MECOM: variants seen among roughly 807,000 people sequenced by gnomAD.
MECOM encodes histone-lysine N-methyltransferase MECOM.
In MECOM, 13 loss-of-function variants were observed where a neutral mutation model predicts 116.3. That is an observed-to-expected ratio of 0.11 (90% CI 0.07 to 0.18). The LOEUF is 0.18. Ranked by LOEUF, MECOM falls within the 10% of genes least tolerant of loss-of-function variation. The pLI, the probability that MECOM is intolerant of heterozygous loss-of-function variation, is 1.00. For synonymous variants in MECOM, 528 were observed against 535.2 expected, an observed-to-expected ratio of 0.99 and a Z score of 0.19; for missense variants, 1,299 against 1,509.0, an observed-to-expected ratio of 0.86 and a Z score of 2.31.
At chr3:169,320,165 T>C (rs1167234378) in intron 2 of MECOM, among the ~76,000 whole-genome samples, 1 of 152,188 alleles carries the variant, frequency 6.6e-6, no homozygotes, top group Non-Finnish European at 1.5e-5. Context: ...TTTTAGAATG[T>C]ATGTGCCTGT....
At chr3:169,451,108 A>G (rs759519266) in intron 1 of MECOM, among the ~76,000 whole-genome samples, 1 of 152,192 alleles carries the variant, frequency 6.6e-6, no homozygotes. Flanking sequence ...CACATAATTC[A>G]ACAACAGCCC....
At chr3:169,152,373 T>A (rs1029210849) in intron 2 of MECOM, among the ~76,000 whole-genome samples, 5 of 152,172 alleles carry the variant, frequency 3.3e-5, no homozygotes, top group Non-Finnish European at 7.4e-5. Context: ...AATCTCCACC[T>A]CAGTAATTTG....
chr3:169,600,734 T>G (rs1767741701), intron 1 of MECOM, among the ~76,000 whole-genome samples: 1 of 152,214 alleles, frequency 6.6e-6, no homozygotes, highest in Non-Finnish European at 1.5e-5. Flanking sequence ...CTCTTTTTGC[T>G]CTCCTTTAAA....
chr3:169,088,921 T>C, intron 16 of MECOM, 79 bp downstream of exon 16: 4 of 1,215,668 alleles, frequency 3.3e-6, no homozygotes, highest in Non-Finnish European at 3.3e-6. Flanking sequence ...AGATAGAATA[T>C]TTGCTTTTTG....
intron 2 of MECOM, among the ~76,000 whole-genome samples, chr3:169,326,245 TAGAAG>T (rs1227232819): frequency 4.6e-5 from 7 of 151,390 alleles, no homozygotes; most frequent in Non-Finnish European, 1.0e-4. Context: ...GGCAAAACAT[TAGAAG>T]AGAAAAGATG....
intron 2 of MECOM, among the ~76,000 whole-genome samples, chr3:169,343,773 T>G (rs1020714516): frequency 1.3e-5 from 2 of 152,130 alleles, no homozygotes; most frequent in Non-Finnish European, 2.9e-5. Flanking sequence ...TTAATTTCAA[T>G]AAATCTTTTT....
chr3:169,162,247 T>C (rs1361243599), intron 2 of MECOM, among the ~76,000 whole-genome samples: 1 of 151,968 alleles, frequency 6.6e-6, no homozygotes, highest in Admixed American at 6.6e-5. Flanking sequence ...AGGTTGAAAA[T>C]TACCAAACCA....
intron 1 of MECOM, among the ~76,000 whole-genome samples, chr3:169,487,699 T>C (rs1389039246): frequency 2.8e-5 from 4 of 144,468 alleles, no homozygotes; most frequent in Non-Finnish European, 4.5e-5. Flanking sequence ...TAGATATACA[T>C]AGCCTAGAAG....
chr3:169,663,312 A>T (rs747809297), intron 1 of MECOM, 24 bp downstream of exon 1: 2 of 1,602,656 alleles, frequency 1.2e-6, no homozygotes, highest in Non-Finnish European at 1.7e-6. Context: ...GGAAAAGCCA[A>T]TAGAAAAGGG....
intron 1 of MECOM, among the ~76,000 whole-genome samples, chr3:169,534,975 C>T (rs1026157634): frequency 1.9e-4 from 29 of 152,308 alleles, no homozygotes; most frequent in African/African-American, 6.0e-4. Context: ...GTCGTTGTCC[C>T]CAGTTCTTTC....
In MECOM at chr3:169,645,760, G is replaced by T. The variant is rs377417127; in HGVS notation, c.37+17576C>A. ...AGCCCTATATGAAAATATATATAAT[G>T]CTGGAAGTAGCCCCCAATTGTAGCA... On this transcript the variant is annotated intron_variant, in intron 1 of 16. Transcript: ENST00000651503. Among the ~76,000 whole-genome samples the T allele has an allele frequency of 3.6e-4, 55 of 152,242 alleles. 2 individuals carry two copies. In the South Asian group the frequency reaches 0.01, roughly 29 times the overall value.
intron 2 of MECOM, among the ~76,000 whole-genome samples, chr3:169,226,799 CTG>C (rs1027489622): frequency 1.3e-5 from 2 of 152,206 alleles, no homozygotes; most frequent in African/African-American, 4.8e-5. Context: ...ATTTAACTGA[CTG>C]TGCTGAATCT....
At chr3:169,515,157 G>C (rs1286099406) in intron 1 of MECOM, among the ~76,000 whole-genome samples, 1 of 152,116 alleles carries the variant, frequency 6.6e-6, no homozygotes, top group East Asian at 1.9e-4. Context: ...CACAGCAGCA[G>C]CTCTCCTGTG....
intron 2 of MECOM, among the ~76,000 whole-genome samples, chr3:169,259,553 T>A (rs1487832979): frequency 6.6e-6 from 1 of 151,574 alleles, no homozygotes; most frequent in Admixed American, 6.6e-5. Flanking sequence ...CAAGACCCCA[T>A]CTCTAAAAAA....
At chr3:169,242,517 T>C (rs1359741772) in intron 2 of MECOM, among the ~76,000 whole-genome samples, 1 of 152,112 alleles carries the variant, frequency 6.6e-6, no homozygotes, top group Non-Finnish European at 1.5e-5. Context: ...GCTCCGAACC[T>C]CATCCCCTTG....
At chr3:169,504,150 A>AAGAGGTGTGTGT (rs373712526) in intron 1 of MECOM, among the ~76,000 whole-genome samples, 1 of 132,670 alleles carries the variant, frequency 7.5e-6, no homozygotes, top group African/African-American at 2.7e-5. Context: ...GAAAAAGAGA[A>AAGAGGTGTGTGT]GTGTGTGTGT....
At chr3:169,631,415 C>T (rs183256720) in intron 1 of MECOM, among the ~76,000 whole-genome samples, 1 of 152,258 alleles carries the variant, frequency 6.6e-6, no homozygotes, top group East Asian at 1.9e-4. Context: ...TCTGATGAAG[C>T]TTCTGTCTTT....
intron 1 of MECOM, among the ~76,000 whole-genome samples, chr3:169,536,663 A>G (rs893145189): frequency 1.3e-5 from 2 of 152,144 alleles, no homozygotes; most frequent in African/African-American, 2.4e-5. Flanking sequence ...TCCACACTCA[A>G]GCTCTGTGAT....
chr3:169,484,570 T>C (rs561651708), intron 1 of MECOM, among the ~76,000 whole-genome samples: 4 of 152,326 alleles, frequency 2.6e-5, no homozygotes, highest in African/African-American at 9.6e-5. Flanking sequence ...GCTATTAACT[T>C]ATATAAACAC....
Sources: gnomAD v4.1 joint callset for allele counts (sites outside exome capture counted in the v4.1 genomes callset) on GRCh38, gnomAD v4.1.1 for gene constraint, MANE v1.5 for transcripts, NCBI Gene and HGNC (gene_info 2026-07-23, HGNC 2026-07-21) for gene names.